SDK1: variants seen among roughly 807,000 people sequenced by gnomAD.
The protein encoded by SDK1 is sidekick cell adhesion molecule 1, also known as protein sidekick-1.
In SDK1, 157 loss-of-function variants were observed where a neutral mutation model predicts 245.5. The observed-to-expected ratio is 0.64, with a 90% CI of 0.56 to 0.73. SDK1 has a LOEUF of 0.73. Ranked by LOEUF, SDK1 falls within the 30% of genes least tolerant of loss-of-function variation. The probability of loss-of-function intolerance (pLI) is 0.00; values close to 1 mark genes in which losing one functional copy is unlikely to be tolerated. For synonymous variants in SDK1, 1,647 were observed against 1,278.5 expected (o/e 1.29, Z -6.15); for missense variants, 3,583 against 3,002.3 (o/e 1.19, Z -4.52).
At chr7:4,161,726 G>A in intron 31 of SDK1, 60 bp from the exon 32 acceptor site, 1 of 1,426,698 alleles carries the variant, frequency 7.0e-7, no homozygotes. Context: ...GTGGCCCTGG[G>A]AAGGGCGGCA....
intron 1 of SDK1, among the ~76,000 whole-genome samples, chr7:3,316,762 C>G (rs1017436329): frequency 6.6e-6 from 1 of 152,114 alleles, no homozygotes; most frequent in Non-Finnish European, 1.5e-5. Flanking sequence ...TCTTGCCCAT[C>G]CCGAGGTTTG....
chr7:4,111,678 T>C lies in SDK1; in HGVS notation c.3434+906T>C, dbSNP rs530879822. On this transcript the variant is annotated intron_variant, in intron 23 of 44. Coordinates refer to ENST00000404826, the MANE Select transcript of SDK1 (RefSeq NM_152744.4). ...AGCTGTTGGGATTCAAGACTTACCA[T>C]GTGAAATTAACTGAAGCTATATAGT... Among the ~76,000 whole-genome samples the C allele has an allele frequency of 7.9e-5, 12 of 152,348 alleles. No individual in the cohort carries two copies. In the East Asian group the frequency reaches 2.3e-3, roughly 29 times the overall value.
At chr7:3,528,146 G>A (rs1783211036) in intron 1 of SDK1, among the ~76,000 whole-genome samples, 2 of 140,486 alleles carry the variant, frequency 1.4e-5, no homozygotes, top group Admixed American at 1.4e-4. Context: ...ATGGTAGGAG[G>A]TAAGGTTGGA....
Position 3,301,716 on chromosome 7 carries a change from C to T in SDK1, c.130C>T (p.Pro44Ser), listed in dbSNP as rs1194809615. The change falls in exon 1 of 45, where the codon CCC becomes TCC. Residue 44 changes from proline (P) to serine (S), a missense_variant. Physicochemically the swap from Pro to Ser is moderately conservative, Grantham distance 74. Transcript: ENST00000404826. The part of the protein sequence containing the change: ...GRARPSLAPR[P>S]GPEPSRPRAA... ...CGCCCGCCCCTCGCTGGCGCCGCGC[C>T]CCGGCCCGGAGCCCTCGCGACCCCG... 2 of 976,888 alleles carry T rather than the reference C, an allele frequency of 2.0e-6. No individual in the cohort carries two copies. Among genetic ancestry groups the T allele is most frequent in the African/African-American group, 1.8e-5 (1 of 56,304 alleles). 60.5% of individuals were successfully genotyped at this position (976,888 alleles called of 1,614,324 possible).
intron 1 of SDK1, among the ~76,000 whole-genome samples, chr7:3,337,230 C>G (rs1490546555): frequency 6.6e-6 from 1 of 151,586 alleles, no homozygotes; most frequent in Non-Finnish European, 1.5e-5. Context: ...TATTAAAAAC[C>G]AAAAAGAAAT....
intron 1 of SDK1, among the ~76,000 whole-genome samples, chr7:3,304,198 C>T (rs192417188): frequency 9.1e-4 from 139 of 152,250 alleles, no homozygotes; most frequent in Non-Finnish European, 1.1e-3. Context: ...TCTTTCTATG[C>T]GGTGATGAGA....
chr7:3,957,323 A>G (rs1354122714), intron 7 of SDK1, among the ~76,000 whole-genome samples: 1 of 152,210 alleles, frequency 6.6e-6, no homozygotes, highest in Non-Finnish European at 1.5e-5. Context: ...TGGATAAATT[A>G]GGTTGATTGT....
At chr7:4,068,884 G>T (rs1404538946) in intron 20 of SDK1, among the ~76,000 whole-genome samples, 1 of 151,874 alleles carries the variant, frequency 6.6e-6, no homozygotes, top group Non-Finnish European at 1.5e-5. Flanking sequence ...ACCATACCTG[G>T]CTAATTTTTG....
intron 1 of SDK1, among the ~76,000 whole-genome samples, chr7:3,448,982 G>A (rs1352073007): frequency 6.6e-6 from 1 of 151,986 alleles, no homozygotes; most frequent in Non-Finnish European, 1.5e-5. Flanking sequence ...TTAAGACCCT[G>A]GGGAAAAAAG....
chr7:3,913,979 C>G (rs1490682119), intron 5 of SDK1, among the ~76,000 whole-genome samples: 1 of 152,184 alleles, frequency 6.6e-6, no homozygotes, highest in Non-Finnish European at 1.5e-5. Context: ...ATACTCCCTT[C>G]CCTGATGGTG....
At chr7:3,324,218 T>C (rs1013249525) in intron 1 of SDK1, among the ~76,000 whole-genome samples, 3 of 152,170 alleles carry the variant, frequency 2.0e-5, no homozygotes, top group African/African-American at 2.4e-5. Flanking sequence ...ATTGTTTTGA[T>C]TGTAAGAATG....
chr7:3,672,759 T>TATATATACATATATATATATATATATATA lies in SDK1; in HGVS notation c.713+30654_713+30655insATATATACATATATATATATATATATATA, dbSNP rs1554307103. Among the ~76,000 whole-genome samples the TATATATACATATATATATATATATATATA allele has an allele frequency of 2.6e-4, 13 of 50,734 alleles. 2 individuals carry two copies. The highest frequency in any genetic ancestry group is 3.1e-4 in the Non-Finnish European group (9 of 28,798). 33.3% of individuals were successfully genotyped at this position (50,734 alleles called of 152,430 possible). On this transcript the variant is annotated intron_variant, in intron 4 of 44. Transcript: ENST00000404826. Reference sequence around the variant, plus strand: ...ATATATATTTTTATAATATATAATTTTATATATATATATATATATATATAT... The same window carrying TATATATACATATATATATATATATATATA: ...ATATATATTTTTATAATATATAATTTATATATACATATATATATATATATATATATATATATATATATATATATATATAT...
chr7:3,823,437 A>G (rs2115062767), intron 5 of SDK1, among the ~76,000 whole-genome samples: 1 of 152,324 alleles, frequency 6.6e-6, no homozygotes, highest in East Asian at 1.9e-4. Flanking sequence ...GTTTAACATC[A>G]CAAAGTTATA....
chr7:4,256,149 A>T (rs1583186796), intron 44 of SDK1, among the ~76,000 whole-genome samples: 1 of 152,064 alleles, frequency 6.6e-6, no homozygotes, highest in African/African-American at 2.4e-5. Context: ...CGAACTCCTG[A>T]CCTCAAGTGA....
chr7:3,738,288 C>T (rs1158444931), intron 4 of SDK1, among the ~76,000 whole-genome samples: 1 of 152,184 alleles, frequency 6.6e-6, no homozygotes, highest in Admixed American at 6.5e-5. Context: ...TTCCCAATGC[C>T]ATTTACTAGA....
chr7:4,052,184 G>A (rs12701363), intron 19 of SDK1, among the ~76,000 whole-genome samples: 22,255 of 85,364 alleles, frequency 0.26, 2,054 homozygotes, highest in African/African-American at 0.32. Flanking sequence ...CCCCCCCGAC[G>A]TCCCCCAGCC....
rs562704503 is a variant in SDK1 at position 4,221,125 on chromosome 7, C to T, written c.5702-114C>T. 6 of 1,304,736 alleles carry T rather than the reference C, an allele frequency of 4.6e-6. No individual in the cohort carries two copies. The Admixed American group carries it at 6.1e-5, about 13-fold the overall frequency. The allele number at this position is 1,304,736 out of a possible 1,614,324, so 80.8% of individuals were successfully genotyped here. A position where few individuals can be genotyped will look rare whatever the true frequency, so the allele number is the denominator to read the frequency against. On this transcript the variant is annotated intron_variant, in intron 39 of 44. Coordinates refer to ENST00000404826, the MANE Select transcript of SDK1 (RefSeq NM_152744.4). ...TGGGTGCGTGAGGTTAAGTAACCTG[C>T]CCAGACACTCTGCAGCCTCGACCGG...
At chr7:3,906,643 T>TTG (rs1283481544) in intron 5 of SDK1, among the ~76,000 whole-genome samples, 3 of 109,210 alleles carry the variant, frequency 2.7e-5, no homozygotes, top group Non-Finnish European at 5.2e-5. Flanking sequence ...TTTTTTTTTT[T>TTG]TTGAGACAGA....
intron 17 of SDK1, among the ~76,000 whole-genome samples, chr7:4,027,499 G>A (rs1272679302): frequency 2.6e-5 from 4 of 152,166 alleles, no homozygotes; most frequent in Admixed American, 6.5e-5. Flanking sequence ...CATCCACCTG[G>A]CCCAGGAGGG....
Sources: allele counts gnomAD v4.1 joint callset (sites outside exome capture counted in the v4.1 genomes callset), GRCh38; gene constraint gnomAD v4.1.1; transcripts MANE v1.5; gene names NCBI Gene and HGNC (gene_info 2026-07-23, HGNC 2026-07-21).